MTR: variants seen among roughly 807,000 people sequenced by gnomAD.
MTR encodes 5-methyltetrahydrofolate-homocysteine methyltransferase.
MTR carries 84 observed loss-of-function variants against 154.8 expected under a neutral mutation model. The ratio of observed to expected loss-of-function variants is 0.54; its 90% CI spans 0.45 to 0.65. The LOEUF (loss-of-function observed/expected upper bound fraction) is 0.65, where lower values mean the gene tolerates loss of function less well. MTR is among the 30% of genes least tolerant of loss of function. The probability of loss-of-function intolerance (pLI) is 0.00; values close to 1 mark genes in which losing one functional copy is unlikely to be tolerated. For synonymous variants in MTR, 554 were observed against 553.9 expected (o/e 1.00, Z 0.00); for missense variants, 1,275 against 1,570.2 (o/e 0.81, Z 3.18).
rs1042230884 is a variant in MTR at position 236,835,744 on chromosome 1, T to C, written c.1329+57T>C. The C allele has an allele frequency of 4.4e-6, 7 of 1,606,262 alleles. No individual in the cohort carries two copies. In the African/African-American group the frequency reaches 9.4e-5, roughly 22 times the overall value. ...TTACTTGTCTCACTTTGACACTCATTTAACCGTGCCAGTTGTCCCATTAAT... is the reference window on the plus strand; with the variant it reads ...TTACTTGTCTCACTTTGACACTCATCTAACCGTGCCAGTTGTCCCATTAAT... On this transcript the variant is annotated intron_variant, in intron 14 of 32. Transcript: ENST00000366577.
At chr1:236,885,291 CT>C in intron 26 of MTR, 72 bp downstream of exon 26, 5 of 986,832 alleles carry the variant, frequency 5.1e-6, no homozygotes, top group Non-Finnish European at 6.4e-6. Flanking sequence ...TTTAATGTGA[CT>C]TTTTAAAATG....
At chr1:236,816,012 C>T (rs1459942695) in intron 7 of MTR, among the ~76,000 whole-genome samples, 2 of 152,196 alleles carry the variant, frequency 1.3e-5, no homozygotes, top group Non-Finnish European at 2.9e-5. Flanking sequence ...AGACACCAGA[C>T]TGCCAATTTA....
At chr1:236,861,330 T>C in intron 20 of MTR, 53 bp downstream of exon 20, 1 of 1,612,406 alleles carries the variant, frequency 6.2e-7, no homozygotes, top group Non-Finnish European at 8.5e-7. Flanking sequence ...CTTTGTCATT[T>C]AATAAATGGC....
At chr1:236,872,735 ATAATCCTAGCTCAAGCCTG>A in intron 22 of MTR, among the ~76,000 whole-genome samples, 1 of 152,304 alleles carries the variant, frequency 6.6e-6, no homozygotes, top group Middle Eastern at 3.4e-3. Context: ...GCTCAAGCCT[ATAATCCTAGCTCAAGCCTG>A]TAATCCCAAA....
intron 15 of MTR, among the ~76,000 whole-genome samples, chr1:236,846,175 A>G (rs1468878569): frequency 1.3e-5 from 2 of 152,216 alleles, no homozygotes; most frequent in East Asian, 3.8e-4. Flanking sequence ...GTTTTGACCA[A>G]CTGTTATTCT....
At chr1:236,886,090 T>C (rs1665993480) in intron 26 of MTR, among the ~76,000 whole-genome samples, 1 of 151,478 alleles carries the variant, frequency 6.6e-6, no homozygotes. Context: ...TGGATGCTTA[T>C]TAAGTCTTTA....
intron 5 of MTR, among the ~76,000 whole-genome samples, chr1:236,811,243 C>T: frequency 6.6e-6 from 1 of 152,120 alleles, no homozygotes; most frequent in East Asian, 1.9e-4. Flanking sequence ...GAAAGACCTG[C>T]CCCCATGATT....
Position 236,865,650 on chromosome 1 carries a change from G to A in MTR, c.2405+2096G>A, listed in dbSNP as rs144788464. On this transcript the variant is annotated intron_variant, in intron 22 of 32. Coordinates refer to ENST00000366577, the MANE Select transcript of MTR (RefSeq NM_000254.3). Reference sequence around the variant, plus strand: ...AGAGAGAAAATGTATTTTTTAAATGGGGAAGATATGATGCAATAGAATTGC... The same window carrying A: ...AGAGAGAAAATGTATTTTTTAAATGAGGAAGATATGATGCAATAGAATTGC... Among the ~76,000 whole-genome samples the A allele has an allele frequency of 2.5e-3, 381 of 152,204 alleles. 3 individuals are homozygous for A. The highest frequency in any genetic ancestry group is 8.1e-3 in the African/African-American group (338 of 41,522).
intron 22 of MTR, among the ~76,000 whole-genome samples, chr1:236,868,050 GTA>G (rs1196380246): frequency 1.3e-5 from 2 of 152,224 alleles, no homozygotes; most frequent in Non-Finnish European, 2.9e-5. Flanking sequence ...AGTTCTGTGA[GTA>G]AAACGCTATC....
chr1:236,851,622 T>G (rs1194593792), intron 16 of MTR, among the ~76,000 whole-genome samples: 1 of 152,220 alleles, frequency 6.6e-6, no homozygotes, highest in Non-Finnish European at 1.5e-5. Flanking sequence ...GGAGCAATGC[T>G]CTGGTATTCC....
At chr1:236,829,025 T>G (rs552003892) in intron 11 of MTR, among the ~76,000 whole-genome samples, 164 bp from the exon 12 acceptor site, 159 of 152,122 alleles carry the variant, frequency 1.0e-3, no homozygotes, top group Middle Eastern at 3.2e-3. Flanking sequence ...TTGAGAAAAC[T>G]AAAAGGCATG....
chr1:236,873,939 A>AG (rs1665285519), intron 23 of MTR, 99 bp downstream of exon 23: 5 of 1,171,246 alleles, frequency 4.3e-6, no homozygotes, highest in Admixed American at 1.8e-5. Flanking sequence ...ATGCCCCATG[A>AG]GGGTTCTGTG....
chr1:236,820,084 A>G (rs1661836498), intron 8 of MTR: 1 of 773,546 alleles, frequency 1.3e-6, no homozygotes, highest in Admixed American at 1.7e-5. Flanking sequence ...GCTGTGTAAC[A>G]CAGATTCCCC....
intron 24 of MTR, among the ~76,000 whole-genome samples, chr1:236,877,351 C>A (rs1017429175): frequency 6.6e-6 from 1 of 152,222 alleles, no homozygotes; most frequent in African/African-American, 2.4e-5. Context: ...CATGTAACCA[C>A]CTCCAGATCA....
chr1:236,876,264 A>G (rs566884760), intron 24 of MTR, among the ~76,000 whole-genome samples: 1 of 152,238 alleles, frequency 6.6e-6, no homozygotes, highest in African/African-American at 2.4e-5. Flanking sequence ...TCTTTTATCC[A>G]TTAGCTGTTC....
At chr1:236,868,464 T>A (rs1343801406) in intron 22 of MTR, among the ~76,000 whole-genome samples, 1 of 152,206 alleles carries the variant, frequency 6.6e-6, no homozygotes, top group East Asian at 1.9e-4. Context: ...GAGTTGAACC[T>A]ATAGCATCTC....
At chr1:236,882,085 A>G (rs550974344) in intron 25 of MTR, among the ~76,000 whole-genome samples, 2 of 152,302 alleles carry the variant, frequency 1.3e-5, no homozygotes, top group East Asian at 3.9e-4. Context: ...GCAATTTTTT[A>G]TTTGCCATTG....
In MTR at chr1:236,891,448, G is replaced by A. The variant is rs999580016; in HGVS notation, c.3204+119G>A. On this transcript the variant is annotated intron_variant, in intron 29 of 32. Coordinates refer to ENST00000366577, the MANE Select transcript of MTR (RefSeq NM_000254.3). ...CCTCCTCCCAAATGACCAATCACAT[G>A]CCCAAGAAGTGACCAGTCACACGCC... 52 of 1,073,592 alleles carry A rather than the reference G, an allele frequency of 4.8e-5. No homozygotes were observed. In the African/African-American group the frequency reaches 8.1e-4, roughly 17 times the overall value. The allele number at this position is 1,073,592 out of a possible 1,614,324, so 66.5% of individuals were successfully genotyped here.
chr1:236,880,753 A>G lies in MTR; in HGVS notation c.2595-2A>G, dbSNP rs1558334603. ...TATTTTCTTTCTGACCCTTCTTTTT[A>G]GAACCCACACAGCAGTTAAAATAGC... On this transcript the variant is annotated splice_acceptor_variant, in intron 24 of 32. Coordinates refer to ENST00000366577, the MANE Select transcript of MTR (RefSeq NM_000254.3). LOFTEE classifies it high-confidence loss of function. The G allele has an allele frequency of 1.2e-5, 19 of 1,613,884 alleles. No individual in the cohort carries two copies. Among genetic ancestry groups the G allele is most frequent in the Non-Finnish European group, 1.4e-5 (16 of 1,179,748 alleles).
Sources: allele counts gnomAD v4.1 joint callset (sites outside exome capture counted in the v4.1 genomes callset), GRCh38; gene constraint gnomAD v4.1.1; transcripts MANE v1.5; gene names NCBI Gene and HGNC (gene_info 2026-07-23, HGNC 2026-07-21).